CDH4: variants seen among roughly 807,000 people sequenced by gnomAD.
The protein encoded by CDH4 is cadherin-4.
CDH4 carries 33 observed loss-of-function variants against 86.0 expected under a neutral mutation model. That is an observed-to-expected ratio of 0.38 (90% CI 0.29 to 0.51). The LOEUF (loss-of-function observed/expected upper bound fraction) is 0.51, where lower values mean the gene tolerates loss of function less well. CDH4 is among the 20% of genes least tolerant of loss of function. The pLI, the probability that CDH4 is intolerant of heterozygous loss-of-function variation, is 0.86. For missense variants in CDH4, 1,114 were observed against 1,307.4 expected (o/e 0.85, Z 2.28); for synonymous variants, 555 against 549.4 (o/e 1.01, Z -0.14).
chr20:61,382,741 G>C (rs1022225585), intron 2 of CDH4, among the ~76,000 whole-genome samples: 6 of 152,006 alleles, frequency 3.9e-5, no homozygotes, highest in Non-Finnish European at 8.8e-5. Context: ...GTTCTCCTCG[G>C]GTGCACCTCC....
intron 2 of CDH4, among the ~76,000 whole-genome samples, chr20:61,408,792 T>C (rs933509241): frequency 6.6e-6 from 1 of 152,086 alleles, no homozygotes; most frequent in African/African-American, 2.4e-5. Context: ...CATGACAGCA[T>C]AGTGAGTGGG....
At chr20:61,474,771 A>G (rs1414409238) in intron 2 of CDH4, among the ~76,000 whole-genome samples, 2 of 151,582 alleles carry the variant, frequency 1.3e-5, no homozygotes, top group Non-Finnish European at 2.9e-5. Context: ...GCATTTTTAT[A>G]TGTTCTATTA....
intron 3 of CDH4, among the ~76,000 whole-genome samples, chr20:61,753,877 G>A (rs2088527587): frequency 6.6e-6 from 1 of 152,124 alleles, no homozygotes; most frequent in Non-Finnish European, 1.5e-5. Context: ...TAAAATTCAG[G>A]TATTGAAATC....
rs949985186 is a variant in CDH4, at chr20:61,392,112, G to A, written c.169+137175G>A. 6.6e-6 allele frequency among the ~76,000 whole-genome samples: 1 copy of A among 151,966 alleles called. No individual in the cohort carries two copies. Among genetic ancestry groups the A allele is most frequent in the Non-Finnish European group, 1.5e-5 (1 of 68,004 alleles). On this transcript the variant is annotated intron_variant, in intron 2 of 15. Coordinates refer to ENST00000614565, the MANE Select transcript of CDH4 (RefSeq NM_001794.5). The surrounding 1 kb of genome is among the most constrained non-coding windows in gnomAD (Gnocchi z 5.7). ...GAGAAAGGCCTAGAGAGCTTTGCAGGACCAAGTGGTGGTCGGGCAGCCCGT... is the reference window on the plus strand; with the variant it reads ...GAGAAAGGCCTAGAGAGCTTTGCAGAACCAAGTGGTGGTCGGGCAGCCCGT...
chr20:61,524,871 A>G (rs2085899133), intron 2 of CDH4, among the ~76,000 whole-genome samples: 1 of 152,210 alleles, frequency 6.6e-6, no homozygotes, highest in Admixed American at 6.5e-5. Flanking sequence ...TTTATTGAAC[A>G]AAGTTTCCAT....
chr20:61,581,393 G>T (rs1216617341), intron 2 of CDH4, among the ~76,000 whole-genome samples: 1 of 152,184 alleles, frequency 6.6e-6, no homozygotes. Context: ...TCCTCCTGGA[G>T]GACCCTGGAG....
intron 2 of CDH4, among the ~76,000 whole-genome samples, chr20:61,578,165 G>A (rs1358791393): frequency 6.6e-6 from 1 of 152,180 alleles, no homozygotes; most frequent in African/African-American, 2.4e-5. Context: ...CAATTCCCAG[G>A]GGACCTGTTA....
intron 4 of CDH4, among the ~76,000 whole-genome samples, chr20:61,841,401 C>G (rs563714656): frequency 5.3e-5 from 8 of 152,308 alleles, no homozygotes; most frequent in African/African-American, 1.9e-4. Flanking sequence ...CTCCTCCCCT[C>G]TATCTAGACG....
At chr20:61,801,139 C>A (rs6121809) in intron 4 of CDH4, among the ~76,000 whole-genome samples, 54,433 of 152,040 alleles carry the variant, frequency 0.36, 9,821 homozygotes, top group East Asian at 0.43. Context: ...GGGGCTCCTG[C>A]CTCCCGTTGG....
In CDH4 at chr20:61,597,711, G is replaced by A. The variant is rs1172395468; in HGVS notation, c.170-145852G>A. On this transcript the variant is annotated intron_variant, in intron 2 of 15. Transcript: ENST00000614565. ...GCAGGGGCAGCTTCAGCAGGGGTGCGCCTTCAGCGACTCTCACAGGAGAGG... is the reference window on the plus strand; with the variant it reads ...GCAGGGGCAGCTTCAGCAGGGGTGCACCTTCAGCGACTCTCACAGGAGAGG... 6.6e-5 allele frequency among the ~76,000 whole-genome samples: 10 copies of A among 152,320 alleles called. No homozygotes were observed. The South Asian group carries it at 8.3e-4, about 13-fold the overall frequency.
intron 2 of CDH4, among the ~76,000 whole-genome samples, chr20:61,689,705 A>G (rs1436079682): frequency 0.01 from 751 of 72,608 alleles, no homozygotes; most frequent in Middle Eastern, 0.073. Context: ...TGGGACAGTG[A>G]TTGGTGAGGT....
intron 4 of CDH4, among the ~76,000 whole-genome samples, chr20:61,820,816 G>T (rs553251972): frequency 6.6e-6 from 1 of 152,118 alleles, no homozygotes; most frequent in Non-Finnish European, 1.5e-5. Flanking sequence ...ACCTTCCCAG[G>T]ATCAGCTCAA....
intron 4 of CDH4, among the ~76,000 whole-genome samples, chr20:61,774,896 G>A (rs2088819586): frequency 1.3e-5 from 2 of 152,268 alleles, no homozygotes; most frequent in Non-Finnish European, 2.9e-5. Flanking sequence ...TGGTGTATTT[G>A]TACCACATTT....
chr20:61,470,992 G>A (rs566433548), intron 2 of CDH4, among the ~76,000 whole-genome samples: 1 of 152,080 alleles, frequency 6.6e-6, no homozygotes, highest in Admixed American at 6.5e-5. Context: ...TTGGTTTGTA[G>A]GCTTTCTTTT....
intron 2 of CDH4, chr20:61,437,353 G>A (rs931044623): frequency 4.6e-5 from 7 of 152,180 alleles, no homozygotes; most frequent in Non-Finnish European, 7.3e-5. Context: ...TCTTTGGAAC[G>A]GTGCTTAAAA....
intron 2 of CDH4, among the ~76,000 whole-genome samples, chr20:61,512,961 A>C (rs1385846629): frequency 2.0e-5 from 3 of 152,246 alleles, no homozygotes; most frequent in African/African-American, 7.2e-5. Context: ...CTGATTGTTA[A>C]CAGTAGGATC....
chr20:61,513,035 T>G (rs1223855356), intron 2 of CDH4, among the ~76,000 whole-genome samples: 1 of 152,180 alleles, frequency 6.6e-6, no homozygotes, highest in Non-Finnish European at 1.5e-5. Context: ...AACTGCAAAG[T>G]GTATGAAGGA....
intron 2 of CDH4, among the ~76,000 whole-genome samples, chr20:61,523,292 C>T (rs577199676): frequency 2.6e-5 from 4 of 152,366 alleles, no homozygotes; most frequent in South Asian, 2.1e-4. Context: ...GGTGGAGCTG[C>T]GGCACTGCCA....
At chr20:61,478,051 C>T (rs1179031246) in intron 2 of CDH4, among the ~76,000 whole-genome samples, 1 of 152,200 alleles carries the variant, frequency 6.6e-6, no homozygotes, top group Non-Finnish European at 1.5e-5. Context: ...TGAGGACTGA[C>T]ATTCCCTTCA....
Sources: gnomAD v4.1 joint callset for allele counts (sites outside exome capture counted in the v4.1 genomes callset) on GRCh38, gnomAD v4.1.1 for gene constraint, Gnocchi (gnomAD v3.1) non-coding constraint, MANE v1.5 for transcripts, NCBI Gene and HGNC (gene_info 2026-07-23, HGNC 2026-07-21) for gene names.